The following RBFOX1 variants were observed in gnomAD, a reference collection of about 807,000 sequenced individuals.
RBFOX1 encodes the protein RNA binding fox-1 homolog 1.
In RBFOX1, 8 loss-of-function variants were observed where a neutral mutation model predicts 57.7. That is an observed-to-expected ratio of 0.14 (90% CI 0.08 to 0.25). The LOEUF (loss-of-function observed/expected upper bound fraction) is 0.25. Ranked by LOEUF, RBFOX1 falls within the 10% of genes least tolerant of loss-of-function variation. The pLI is 1.00. For synonymous variants in RBFOX1, 326 were observed against 222.4 expected (o/e 1.47, Z -4.15); for missense variants, 611 against 548.5 (o/e 1.11, Z -1.14).
At chr16:6,094,534 T>A (rs931388845) in intron 1 of RBFOX1, among the ~76,000 whole-genome samples, 7 of 152,110 alleles carry the variant, frequency 4.6e-5, no homozygotes, top group Admixed American at 3.9e-4. Flanking sequence ...CACTGGAAGC[T>A]TGAAAGGAGT....
At chr16:6,486,715 T>A (rs915570641) in intron 2 of RBFOX1, among the ~76,000 whole-genome samples, 1 of 151,608 alleles carries the variant, frequency 6.6e-6, no homozygotes, top group African/African-American at 2.4e-5. Context: ...AACTTTGGAG[T>A]GTGTTAAAAT....
chr16:5,454,885 T>TC (rs1460025913), intron 1 of RBFOX1, among the ~76,000 whole-genome samples: 1 of 129,396 alleles, frequency 7.7e-6, no homozygotes, highest in African/African-American at 2.9e-5. Flanking sequence ...TTTCTTTCTT[T>TC]CTTTCTTTCT....
chr16:5,489,533 C>G (rs2042755966), intron 2 of RBFOX1, among the ~76,000 whole-genome samples: 1 of 152,126 alleles, frequency 6.6e-6, no homozygotes, highest in Admixed American at 6.5e-5. Context: ...CCTTTTTTGA[C>G]TTGGTTTCTT....
intron 3 of RBFOX1, among the ~76,000 whole-genome samples, chr16:6,702,847 C>A (rs970521501): frequency 1.3e-5 from 2 of 152,162 alleles, no homozygotes; most frequent in African/African-American, 4.8e-5. Flanking sequence ...CATTGTTGTG[C>A]GACCATCACC....
intron 3 of RBFOX1, among the ~76,000 whole-genome samples, chr16:6,705,908 C>T (rs751178917): frequency 2.0e-5 from 3 of 152,126 alleles, no homozygotes; most frequent in Non-Finnish European, 4.4e-5. Flanking sequence ...GTCCCAACTA[C>T]TCAGGAGGCT....
chr16:7,555,102 T>A (rs4787045), intron 5 of RBFOX1, among the ~76,000 whole-genome samples: 17 of 150,520 alleles, frequency 1.1e-4, no homozygotes, highest in African/African-American at 3.4e-4. Flanking sequence ...TAAGGGGGGG[T>A]TTTTAGTAGA....
At chr16:6,890,442 C>A (rs776060548) in intron 3 of RBFOX1, among the ~76,000 whole-genome samples, 1 of 152,296 alleles carries the variant, frequency 6.6e-6, no homozygotes, top group South Asian at 2.1e-4. Flanking sequence ...TCACTTAAAC[C>A]CAGATGGCAG....
rs2084203282 is a variant in RBFOX1 at position 7,712,861 on chromosome 16, T to G, written c.*2116T>G. On this transcript the variant is annotated 3_prime_UTR_variant, in exon 16 of 16. Coordinates refer to ENST00000550418, the MANE Select transcript of RBFOX1 (RefSeq NM_018723.4). ...TCAAAATCCAGAATTTGTATTGTGT[T>G]TCGAATCACAAACATAGAATTCTTA... 1 of 152,252 alleles carries G rather than the reference T, an allele frequency of 6.6e-6. No homozygotes were observed. The allele number at this position is 152,252 out of a possible 1,614,324, so 9.4% of individuals were successfully genotyped here.
chr16:7,018,266 C>T (rs963090617), intron 3 of RBFOX1, among the ~76,000 whole-genome samples: 3 of 152,142 alleles, frequency 2.0e-5, no homozygotes, highest in Non-Finnish European at 2.9e-5. Flanking sequence ...TCCAGCTTCT[C>T]CTTATGCAAG....
At chr16:6,143,278 G>C (rs1185472489) in intron 1 of RBFOX1, among the ~76,000 whole-genome samples, 1 of 152,218 alleles carries the variant, frequency 6.6e-6, no homozygotes, top group Admixed American at 6.5e-5. Flanking sequence ...TGAGTTTTCT[G>C]TACATGATGT....
chr16:7,322,564 T>G (rs187517719), intron 4 of RBFOX1, among the ~76,000 whole-genome samples: 4 of 152,334 alleles, frequency 2.6e-5, no homozygotes, highest in Admixed American at 2.6e-4. Context: ...CTTTGGTGAA[T>G]TTCACAAGAG....
At chr16:5,651,157 A>T (rs1350810714) in intron 3 of RBFOX1, among the ~76,000 whole-genome samples, 2 of 141,572 alleles carry the variant, frequency 1.4e-5, no homozygotes, top group African/African-American at 5.4e-5. Context: ...GGTTCAAGCG[A>T]TTCTCCTGCT....
At chr16:6,395,885 G>C (rs2092809148) in intron 2 of RBFOX1, among the ~76,000 whole-genome samples, 1 of 151,824 alleles carries the variant, frequency 6.6e-6, no homozygotes, top group South Asian at 2.1e-4. Flanking sequence ...GGGCAACACA[G>C]TGAAACCCCG....
Position 5,454,773 on chromosome 16 carries a change from C to CT in RBFOX1, c.220-12440dup, listed in dbSNP as rs372439354. On this transcript the variant is annotated intron_variant, in intron 1 of 2. Coordinates refer to the RBFOX1 transcript ENST00000585867. ...TCTTTTCTTTTCTTTCTTTCTCTTT[C>CT]TTTCTTTCTTTCTTTCTCTTTCTTT... Among the ~76,000 whole-genome samples, 64 of 128,878 alleles carry CT rather than the reference C, an allele frequency of 5.0e-4. 1 individual carries two copies. The highest frequency in any genetic ancestry group is 1.3e-3 in the African/African-American group (45 of 34,340). 84.5% of individuals were successfully genotyped at this position (128,878 alleles called of 152,430 possible). A position where few individuals can be genotyped will look rare whatever the true frequency, so the allele number is the denominator to read the frequency against.
chr16:5,662,227 T>C (rs1300033956), intron 3 of RBFOX1, among the ~76,000 whole-genome samples: 1 of 152,196 alleles, frequency 6.6e-6, no homozygotes, highest in Non-Finnish European at 1.5e-5. Context: ...TTTGAGTGTC[T>C]TCTAATGTAA....
chr16:5,700,635 A>G (rs1437739383), intron 3 of RBFOX1, among the ~76,000 whole-genome samples: 1 of 152,160 alleles, frequency 6.6e-6, no homozygotes, highest in Non-Finnish European at 1.5e-5. Flanking sequence ...ACTCTGGAAA[A>G]TTCTCCATAA....
chr16:6,490,937 T>G (rs1332902866), intron 2 of RBFOX1, among the ~76,000 whole-genome samples: 1 of 152,186 alleles, frequency 6.6e-6, no homozygotes, highest in Non-Finnish European at 1.5e-5. Flanking sequence ...TTTTGTGGAA[T>G]ACCTATTTCA....
intron 4 of RBFOX1, among the ~76,000 whole-genome samples, chr16:7,157,353 T>G (rs987212904): frequency 6.6e-6 from 1 of 152,062 alleles, no homozygotes; most frequent in Non-Finnish European, 1.5e-5. Flanking sequence ...AGATACCATT[T>G]CAATTTGGCA....
intron 3 of RBFOX1, among the ~76,000 whole-genome samples, chr16:5,734,810 C>G (rs141818740): frequency 1.3e-5 from 2 of 152,044 alleles, no homozygotes; most frequent in Non-Finnish European, 2.9e-5. Context: ...GGAGCTCATC[C>G]AAGAAGGAAG....
Sources: allele counts gnomAD v4.1 joint callset (sites outside exome capture counted in the v4.1 genomes callset), GRCh38; gene constraint gnomAD v4.1.1; transcripts MANE v1.5; gene names NCBI Gene and HGNC (gene_info 2026-07-23, HGNC 2026-07-21).